EXOC6: variants seen among roughly 807,000 people sequenced by gnomAD.
EXOC6 encodes exocyst complex component 6.
A neutral mutation model predicts 112.5 loss-of-function variants in EXOC6; 60 were observed. The ratio of observed to expected loss-of-function variants is 0.53; its 90% confidence interval spans 0.43 to 0.66. The LOEUF is 0.66. EXOC6 is among the 30% of genes least tolerant of loss of function. EXOC6 has a pLI of 0.00. For missense variants in EXOC6, 855 were observed against 957.1 expected (o/e 0.89, Z 1.41); for synonymous variants, 295 against 308.0 (o/e 0.96, Z 0.44).
chr10:92,983,525 G>A (rs1195879841), intron 18 of EXOC6, among the ~76,000 whole-genome samples: 1 of 131,874 alleles, frequency 7.6e-6, no homozygotes, highest in Non-Finnish European at 1.6e-5. Context: ...TTTTGAGACA[G>A]AGTCTCACTG....
chr10:92,989,078 G>T (rs1843126132), intron 18 of EXOC6, among the ~76,000 whole-genome samples: 1 of 152,120 alleles, frequency 6.6e-6, no homozygotes, highest in Non-Finnish European at 1.5e-5. Flanking sequence ...GCTGTTTGTA[G>T]ACTTGCCTTC....
chr10:93,017,009 T>C (rs1447856274), intron 20 of EXOC6, among the ~76,000 whole-genome samples: 1 of 151,614 alleles, frequency 6.6e-6, no homozygotes, highest in Non-Finnish European at 1.5e-5. Context: ...AGAGGTGGGG[T>C]TTCGCCGGGT....
intron 14 of EXOC6, among the ~76,000 whole-genome samples, chr10:92,949,651 G>T (rs533210983): frequency 6.7e-6 from 1 of 150,244 alleles, no homozygotes; most frequent in Non-Finnish European, 1.5e-5. Context: ...GGAGTGCAAT[G>T]GTGCCATCTC....
chr10:92,834,367 G>A (rs1846594256), upstream of EXOC6, among the ~76,000 whole-genome samples: 1 of 152,224 alleles, frequency 6.6e-6, no homozygotes, highest in Non-Finnish European at 1.5e-5. Context: ...TATATGCCTT[G>A]TCAAATCAAA....
rs764385133 is a variant in EXOC6, at chr10:92,894,957, C to T, written c.349C>T (p.Arg117Ter). The change falls in exon 4 of 22, where the codon CGA becomes TGA. Residue 117 changes from arginine to a stop codon, truncating the protein, a stop_gained. Transcript: ENST00000260762. LOFTEE classifies it high-confidence loss of function. Reference protein sequence around the residue: ...EVIVHTEDIIRCRIQQRNITT... With the variant: ...EVIVHTEDII The stretch of plus-strand genomic sequence containing the variant: ...GATAGTCCACACAGAAGATATCATT[C>T]GATGTAGAATTCAGCAGAGAAATAT... 6.2e-6 allele frequency: 10 copies of T among 1,612,156 alleles called. 1 individual carries two copies. The highest frequency in any genetic ancestry group is 2.2e-5 in the East Asian group (1 of 44,792).
At chr10:92,884,547 GA>G (rs1366147214) in intron 1 of EXOC6, among the ~76,000 whole-genome samples, 3 of 152,114 alleles carry the variant, frequency 2.0e-5, no homozygotes, top group Non-Finnish European at 4.4e-5. Flanking sequence ...CTGGGACAGA[GA>G]AAAGCCATTT....
chr10:92,896,351 C>A (rs1279294691), intron 4 of EXOC6, among the ~76,000 whole-genome samples: 13 of 148,708 alleles, frequency 8.7e-5, no homozygotes, highest in Non-Finnish European at 1.5e-5. Flanking sequence ...GTGCCACCAC[C>A]ATGCCTGCCT....
intron 20 of EXOC6, among the ~76,000 whole-genome samples, chr10:93,045,515 C>CT (rs1845968667): frequency 6.6e-6 from 1 of 152,160 alleles, no homozygotes; most frequent in Admixed American, 6.5e-5. Flanking sequence ...CTGCCATATC[C>CT]TGGAGTATAG....
At chr10:92,880,118 G>A (rs187541981) in intron 1 of EXOC6, among the ~76,000 whole-genome samples, 1 of 152,216 alleles carries the variant, frequency 6.6e-6, no homozygotes, top group African/African-American at 2.4e-5. Flanking sequence ...ATTTGCTTCC[G>A]GGAACCGGTG....
intron 1 of EXOC6, among the ~76,000 whole-genome samples, chr10:92,857,395 A>T (rs1307558694): frequency 7.9e-5 from 12 of 152,112 alleles, no homozygotes; most frequent in Non-Finnish European, 1.6e-4. Context: ...TTATTACAAT[A>T]ATACATTACT....
intron 6 of EXOC6, among the ~76,000 whole-genome samples, chr10:92,913,373 T>C (rs1276060937): frequency 6.6e-6 from 1 of 152,234 alleles, no homozygotes; most frequent in African/African-American, 2.4e-5. Flanking sequence ...TCTTCTCCTT[T>C]TGGTTACTGT....
At chr10:93,017,405 A>G (rs61863079) in intron 20 of EXOC6, among the ~76,000 whole-genome samples, 19,606 of 151,422 alleles carry the variant, frequency 0.13, 1,420 homozygotes, top group African/African-American at 0.18. Flanking sequence ...CCTGGCCAAC[A>G]CGGTGAAACC....
chr10:92,863,358 A>G (rs1489806953), intron 1 of EXOC6, among the ~76,000 whole-genome samples: 1 of 152,212 alleles, frequency 6.6e-6, no homozygotes, highest in Non-Finnish European at 1.5e-5. Context: ...TGCAATTTTT[A>G]CTAGAGTAGC....
chr10:92,931,260 C>G (rs951117091), intron 9 of EXOC6, among the ~76,000 whole-genome samples: 1 of 150,298 alleles, frequency 6.7e-6, no homozygotes, highest in Non-Finnish European at 1.5e-5. Context: ...ACCAATAAAC[C>G]AATTTAAAAA....
intron 20 of EXOC6, among the ~76,000 whole-genome samples, chr10:93,052,060 ATTT>A (rs1846315114): frequency 6.6e-6 from 1 of 152,158 alleles, no homozygotes; most frequent in Non-Finnish European, 1.5e-5. Context: ...GCTTAACTTT[ATTT>A]ATCTTCTGTC....
chr10:92,934,040 A>G (rs1366977835), intron 9 of EXOC6, 104 bp from the exon 10 acceptor site: 2 of 671,866 alleles, frequency 3.0e-6, no homozygotes, highest in South Asian at 4.4e-5. Flanking sequence ...GGCATATAGT[A>G]GACTCTCAAT....
chr10:92,895,859 CTTTTTTTTTT>C (rs34229333), intron 4 of EXOC6, among the ~76,000 whole-genome samples: 17 of 122,188 alleles, frequency 1.4e-4, no homozygotes, highest in Middle Eastern at 9.3e-3. Context: ...CACACCCGGC[CTTTTTTTTTT>C]TTTTTTTTTA....
chr10:93,028,302 A>G (rs1845112544), intron 20 of EXOC6, among the ~76,000 whole-genome samples: 1 of 152,096 alleles, frequency 6.6e-6, no homozygotes, highest in African/African-American at 2.4e-5. Context: ...GTTTCAAAAA[A>G]AAGAAAAAAG....
chr10:92,933,062 A>T (rs1852139198), intron 9 of EXOC6, among the ~76,000 whole-genome samples: 1 of 152,164 alleles, frequency 6.6e-6, no homozygotes, highest in African/African-American at 2.4e-5. Context: ...ATATACTTTT[A>T]TATAATACAG....
Sources: allele counts gnomAD v4.1 joint callset (sites outside exome capture counted in the v4.1 genomes callset), GRCh38; gene constraint gnomAD v4.1.1; transcripts MANE v1.5; gene names NCBI Gene and HGNC (gene_info 2026-07-23, HGNC 2026-07-21).